Variants in LARP4 observed in about 807,000 individuals in gnomAD.
The protein encoded by LARP4 is la-related protein 4.
In LARP4, 29 loss-of-function variants were observed where a neutral mutation model predicts 92.9. That is an observed-to-expected ratio of 0.31 (90% confidence interval 0.23 to 0.43). LARP4 has a LOEUF of 0.43. Ranked by LOEUF, LARP4 falls within the 20% of genes least tolerant of loss-of-function variation. The pLI is 1.00. For synonymous variants in LARP4, 279 were observed against 284.1 expected (o/e 0.98, Z 0.18); for missense variants, 732 against 860.0 (o/e 0.85, Z 1.86).
At chr12:50,469,083 T>C (rs1956565085) in intron 13 of LARP4, among the ~76,000 whole-genome samples, 1 of 152,156 alleles carries the variant, frequency 6.6e-6, no homozygotes, top group Non-Finnish European at 1.5e-5. Context: ...AGTATAAATT[T>C]CTTGCATTCT....
chr12:50,410,603 A>G (rs1253279982), intron 1 of LARP4, among the ~76,000 whole-genome samples: 3 of 151,122 alleles, frequency 2.0e-5, no homozygotes, highest in Admixed American at 6.6e-5. Context: ...ACAGGGTTTC[A>G]TCGTGTTAGT....
chr12:50,449,169 G>T (rs971129446), intron 8 of LARP4, among the ~76,000 whole-genome samples: 3 of 151,506 alleles, frequency 2.0e-5, no homozygotes, highest in Admixed American at 1.3e-4. Flanking sequence ...TTTGATCCTT[G>T]GAGGAGGAGG....
chr12:50,446,809 T>C (rs1952277811), intron 8 of LARP4, among the ~76,000 whole-genome samples: 1 of 152,140 alleles, frequency 6.6e-6, no homozygotes, highest in Non-Finnish European at 1.5e-5. Flanking sequence ...TGTACTATAA[T>C]GTATGACATT....
At chr12:50,409,661 G>A (rs1945480254) in intron 1 of LARP4, among the ~76,000 whole-genome samples, 2 of 151,936 alleles carry the variant, frequency 1.3e-5, no homozygotes, top group South Asian at 4.2e-4. Context: ...GCTGCATAGA[G>A]GGCTGAGGCA....
At chr12:50,410,657 G>A (rs1945715830) in intron 1 of LARP4, among the ~76,000 whole-genome samples, 1 of 152,104 alleles carries the variant, frequency 6.6e-6, no homozygotes, top group Admixed American at 6.6e-5. Flanking sequence ...GCCCTCCTCA[G>A]CCTCCCAAAG....
At chr12:50,456,530 T>A (rs1352054757) in intron 10 of LARP4, among the ~76,000 whole-genome samples, 1 of 152,164 alleles carries the variant, frequency 6.6e-6, no homozygotes, top group Non-Finnish European at 1.5e-5. Context: ...GGACAAAGTC[T>A]TTTTTAGAGA....
At chr12:50,467,801 T>G (rs1396898511) in intron 13 of LARP4, among the ~76,000 whole-genome samples, 1 of 152,058 alleles carries the variant, frequency 6.6e-6, no homozygotes, top group African/African-American at 2.4e-5. Flanking sequence ...CCTCTCCATA[T>G]CAGAAATCCT....
chr12:50,413,121 G>A (rs982526156), intron 1 of LARP4, among the ~76,000 whole-genome samples: 8 of 151,964 alleles, frequency 5.3e-5, no homozygotes, highest in African/African-American at 1.9e-4. Flanking sequence ...TACTCAGGAG[G>A]CTGAGGCAGG....
chr12:50,455,253 G>A (rs1954001954), intron 10 of LARP4, among the ~76,000 whole-genome samples: 1 of 152,100 alleles, frequency 6.6e-6, no homozygotes, highest in Non-Finnish European at 1.5e-5. Context: ...GGTAGAGACA[G>A]GGTCTGTTTA....
In LARP4 at chr12:50,437,719, T is replaced by C; in HGVS notation, c.536-16T>C. The stretch of plus-strand genomic sequence containing the variant: ...ACTTGTCACGTTTGAGTGATACCCT[T>C]TCTTTTAAATTTCAGCTTCTCCCAT... On this transcript the variant is annotated splice_polypyrimidine_tract_variant and intron_variant, in intron 5 of 15. Transcript: ENST00000398473. 6.8e-7 allele frequency: 1 copy of C among 1,473,268 alleles called. No homozygotes were observed. The allele number at this position is 1,473,268 out of a possible 1,614,324, so 91.3% of individuals were successfully genotyped here. A position where few individuals can be genotyped will look rare whatever the true frequency, so the allele number is the denominator to read the frequency against.
At chr12:50,472,461 A>G (rs746444034) in intron 13 of LARP4, among the ~76,000 whole-genome samples, 1 of 151,680 alleles carries the variant, frequency 6.6e-6, no homozygotes, top group African/African-American at 2.4e-5. Flanking sequence ...TAACATCCTC[A>G]GCTTTCATTC....
chr12:50,474,234 G>A (rs987335301), intron 15 of LARP4, 67 bp downstream of exon 15: 50 of 1,166,166 alleles, frequency 4.3e-5, no homozygotes, highest in Admixed American at 2.0e-4. Flanking sequence ...TTTTTTTCAC[G>A]TAACACTTTG....
intron 15 of LARP4, among the ~76,000 whole-genome samples, chr12:50,475,288 G>T (rs760734043): frequency 6.6e-6 from 1 of 152,118 alleles, no homozygotes; most frequent in Non-Finnish European, 1.5e-5. Context: ...CATTTAGGTC[G>T]CTCCCATCAT....
chr12:50,474,820 G>A (rs1274700766), intron 15 of LARP4, among the ~76,000 whole-genome samples: 1 of 152,162 alleles, frequency 6.6e-6, no homozygotes, highest in African/African-American at 2.4e-5. Context: ...TGGCCATTGA[G>A]AGGCCACTCC....
chr12:50,439,332 G>A (rs189511725), intron 6 of LARP4, among the ~76,000 whole-genome samples: 6 of 152,238 alleles, frequency 3.9e-5, no homozygotes, highest in Admixed American at 3.3e-4. Context: ...GGTACCAAAT[G>A]TTTTGTTGGG....
chr12:50,406,091 T>C (rs113999721), intron 1 of LARP4, among the ~76,000 whole-genome samples: 360 of 152,264 alleles, frequency 2.4e-3, no homozygotes, highest in Middle Eastern at 0.01. Context: ...AATTCATGGA[T>C]ATGGAGGGCC....
rs1376290504 is a variant in LARP4, at chr12:50,466,972, C to T, written c.1397C>T (p.Ser466Leu). 2 of 1,610,556 alleles carry T rather than the reference C, an allele frequency of 1.2e-6. No homozygotes were observed. Among genetic ancestry groups the T allele is most frequent in the African/African-American group, 2.7e-5 (2 of 74,878 alleles). Residue 466 changes from serine to leucine, a missense_variant, in exon 13 of 16, where the codon TCA becomes TTA. Transcript: ENST00000398473. ...EDDRISRPHPSTAESKAPTPK... is the reference protein window; with the variant it reads ...EDDRISRPHPLTAESKAPTPK... Reference sequence around the variant, plus strand: ...TGTTCATTTTAGAGACCTCATCCTTCAACAGCTGAATCAAAGGCTCCAACA... The same window carrying T: ...TGTTCATTTTAGAGACCTCATCCTTTAACAGCTGAATCAAAGGCTCCAACA...
At chr12:50,464,499 C>T (rs1166764593) in intron 12 of LARP4, among the ~76,000 whole-genome samples, 1 of 152,222 alleles carries the variant, frequency 6.6e-6, no homozygotes, top group African/African-American at 2.4e-5. Context: ...TCAAGCAGTT[C>T]TCCTGCCTCA....
intron 8 of LARP4, among the ~76,000 whole-genome samples, chr12:50,452,138 A>G (rs1953320729): frequency 6.6e-6 from 1 of 152,244 alleles, no homozygotes; most frequent in Non-Finnish European, 1.5e-5. Context: ...CAACACAGAC[A>G]GTAGTGCAGA....
Sources: allele counts gnomAD v4.1 joint callset (sites outside exome capture counted in the v4.1 genomes callset), GRCh38; gene constraint gnomAD v4.1.1; transcripts MANE v1.5; gene names NCBI Gene and HGNC (gene_info 2026-07-23, HGNC 2026-07-21).